FRMD4B: variants seen among roughly 807,000 people sequenced by gnomAD.
FRMD4B encodes FERM domain-containing protein 4B.
FRMD4B carries 74 observed loss-of-function variants against 141.5 expected under a neutral mutation model. That is an observed-to-expected ratio of 0.52 (90% CI 0.43 to 0.63). FRMD4B has a LOEUF of 0.63. Ranked by LOEUF, FRMD4B falls within the 30% of genes least tolerant of loss-of-function variation. The pLI is 0.00. For synonymous variants in FRMD4B, 506 were observed against 467.9 expected, an observed-to-expected ratio of 1.08 and a Z score of -1.05; for missense variants, 1,366 against 1,253.4, an observed-to-expected ratio of 1.09 and a Z score of -1.36.
At chr3:69,369,225 A>G (rs1703757825) in intron 1 of FRMD4B, among the ~76,000 whole-genome samples, 1 of 152,222 alleles carries the variant, frequency 6.6e-6, no homozygotes, top group Non-Finnish European at 1.5e-5. Context: ...ACACAGTCCT[A>G]TCTATACATA....
intron 10 of FRMD4B, 29 bp from the exon 11 acceptor site, chr3:69,216,378 G>C: frequency 9.4e-7 from 1 of 1,068,474 alleles, no homozygotes. Flanking sequence ...TGAGAACCAA[G>C]ACCTAGCTGT....
intron 11 of FRMD4B, among the ~76,000 whole-genome samples, chr3:69,212,404 A>C (rs138315801): frequency 6.7e-6 from 1 of 149,962 alleles, no homozygotes; most frequent in African/African-American, 2.4e-5. Flanking sequence ...AAAAAAAAGA[A>C]AAAAAGCGAT....
At chr3:69,310,777 A>G (rs1375543008) in intron 3 of FRMD4B, among the ~76,000 whole-genome samples, 1 of 152,170 alleles carries the variant, frequency 6.6e-6, no homozygotes, top group Non-Finnish European at 1.5e-5. Flanking sequence ...AGAAAAAGAT[A>G]GTTGAGAAGG....
chr3:69,410,726 A>AATAAATATATATATATATATAT (rs1559519781), intron 2 of FRMD4B, among the ~76,000 whole-genome samples: 1 of 86,346 alleles, frequency 1.2e-5, no homozygotes, highest in African/African-American at 4.1e-5. Context: ...TAAATAAATA[A>AATAAATATATATATATATATAT]ATATATATAT....
chr3:69,242,519 T>C lies in FRMD4B; in HGVS notation c.581+6707A>G, dbSNP rs1017093800. Among the ~76,000 whole-genome samples, 311 of 67,274 alleles carry C rather than the reference T, an allele frequency of 4.6e-3. 7 individuals carry two copies. The highest frequency in any genetic ancestry group is 0.017 in the African/African-American group (300 of 18,154). 44.1% of individuals were successfully genotyped at this position (67,274 alleles called of 152,430 possible). On this transcript the variant is annotated intron_variant, in intron 7 of 22. Coordinates refer to ENST00000398540, the MANE Select transcript of FRMD4B (RefSeq NM_015123.3). ...TTTTTTTTTTTTTTTTTTTTTTTTT[T>C]TTTTGTAGCACAGCTGTAACTTGTG...
intron 1 of FRMD4B, among the ~76,000 whole-genome samples, chr3:69,437,220 G>A (rs906288313): frequency 1.3e-5 from 2 of 151,828 alleles, no homozygotes. Context: ...CCACAGGCAC[G>A]CGCCACCATG....
chr3:69,528,208 A>T (rs948010651), intron 1 of FRMD4B, among the ~76,000 whole-genome samples: 4 of 152,066 alleles, frequency 2.6e-5, no homozygotes, highest in African/African-American at 7.2e-5. Context: ...AATGGCAAGG[A>T]CTATGACGAC....
At chr3:69,302,080 T>A (rs1701235330) in intron 4 of FRMD4B, among the ~76,000 whole-genome samples, 1 of 152,224 alleles carries the variant, frequency 6.6e-6, no homozygotes, top group South Asian at 2.1e-4. Flanking sequence ...TTAAATTGAT[T>A]TCTAAGAGGC....
intron 1 of FRMD4B, among the ~76,000 whole-genome samples, chr3:69,333,472 G>T (rs765959940): frequency 3.3e-5 from 5 of 152,216 alleles, no homozygotes; most frequent in Non-Finnish European, 7.3e-5. Flanking sequence ...TTGAGAATTA[G>T]AAATCCTTGT....
In FRMD4B at chr3:69,536,046, G is replaced by T. The variant is rs77855938; in HGVS notation, c.-129+6160C>A. On this transcript the variant is annotated intron_variant, in intron 1 of 5. Transcript: ENST00000459638. ...GACCTGCGTGGCCTTGTCTGGCTTA[G>T]GGGTGCCTTCCTAGCCTCACCGGGC... The T allele has an allele frequency of 5.8e-5, 24 of 416,960 alleles. No individual in the cohort carries two copies. In the East Asian group the frequency reaches 1.4e-3, roughly 23 times the overall value. The allele number at this position is 416,960 out of a possible 1,614,324, so 25.8% of individuals were successfully genotyped here. A position where few individuals can be genotyped will look rare whatever the true frequency, so the allele number is the denominator to read the frequency against.
chr3:69,300,951 G>T (rs1243867887), intron 4 of FRMD4B, among the ~76,000 whole-genome samples: 1 of 151,978 alleles, frequency 6.6e-6, no homozygotes, highest in Non-Finnish European at 1.5e-5. Flanking sequence ...GGCCAGGCTG[G>T]TCTCATACTC....
At chr3:69,180,255 A>G (rs1391288168) in intron 21 of FRMD4B, among the ~76,000 whole-genome samples, 1 of 146,636 alleles carries the variant, frequency 6.8e-6, no homozygotes, top group African/African-American at 2.5e-5. Flanking sequence ...ACAAAAAAAA[A>G]AAAAAAAAAA....
intron 1 of FRMD4B, among the ~76,000 whole-genome samples, chr3:69,483,693 T>G (rs1248404175): frequency 6.6e-6 from 1 of 152,152 alleles, no homozygotes; most frequent in Non-Finnish European, 1.5e-5. Context: ...TTGTTACGGA[T>G]CTCTTCGCCA....
At chr3:69,484,413 A>G (rs66497409) in intron 1 of FRMD4B, among the ~76,000 whole-genome samples, 31,737 of 152,114 alleles carry the variant, frequency 0.21, 3,647 homozygotes, top group East Asian at 0.42. Flanking sequence ...TTTTCTGGCC[A>G]GAAACCTCTG....
intron 22 of FRMD4B, among the ~76,000 whole-genome samples, chr3:69,172,494 C>T (rs1196352872): frequency 6.6e-6 from 1 of 152,122 alleles, no homozygotes; most frequent in African/African-American, 2.4e-5. Context: ...TCCATTTTTA[C>T]TTGTGTGACA....
chr3:69,321,401 G>GTCAGA (rs1701991553), intron 1 of FRMD4B, among the ~76,000 whole-genome samples: 2 of 151,962 alleles, frequency 1.3e-5, no homozygotes, highest in South Asian at 4.2e-4. Context: ...TGACCTTTTC[G>GTCAGA]AAAGCCTAGT....
intron 1 of FRMD4B, among the ~76,000 whole-genome samples, chr3:69,368,065 C>G (rs935924183): frequency 1.3e-5 from 2 of 152,152 alleles, no homozygotes; most frequent in Non-Finnish European, 2.9e-5. Context: ...TATTTTACCT[C>G]TTTTCGTGGC....
intron 1 of FRMD4B, among the ~76,000 whole-genome samples, chr3:69,434,641 T>A (rs1705233042): frequency 6.6e-6 from 1 of 152,220 alleles, no homozygotes; most frequent in Non-Finnish European, 1.5e-5. Flanking sequence ...AGGAGGGATA[T>A]GTTTTAAGAT....
intron 1 of FRMD4B, among the ~76,000 whole-genome samples, chr3:69,382,764 G>A (rs1417421074): frequency 2.0e-5 from 3 of 146,404 alleles, no homozygotes; most frequent in African/African-American, 7.6e-5. Flanking sequence ...GAGGATATGA[G>A]AAATTCTTTC....
Sources: allele counts gnomAD v4.1 joint callset (sites outside exome capture counted in the v4.1 genomes callset), GRCh38; gene constraint gnomAD v4.1.1; transcripts MANE v1.5; gene names NCBI Gene and HGNC (gene_info 2026-07-23, HGNC 2026-07-21).